Variants in NME6 observed in about 807,000 individuals in gnomAD.
The protein encoded by NME6 is nucleoside diphosphate kinase 6, mitochondrial.
In NME6, 16 loss-of-function variants were observed where a neutral mutation model predicts 22.2. The ratio of observed to expected loss-of-function variants is 0.72; its 90% CI spans 0.49 to 1.09. The LOEUF (loss-of-function observed/expected upper bound fraction) is 1.09, where lower values mean the gene tolerates loss of function less well. NME6 is among the 50% of genes least tolerant of loss of function. The pLI, the probability that NME6 is intolerant of heterozygous loss-of-function variation, is 0.00. For missense variants in NME6, 229 were observed against 239.0 expected, an observed-to-expected ratio of 0.96 and a Z score of 0.28; for synonymous variants, 58 against 85.2, an observed-to-expected ratio of 0.68 and a Z score of 1.76.
chr3:48,296,145 A>C lies in NME6; in HGVS notation c.207T>G (p.Tyr69Ter), dbSNP rs1251323119. ...TGGCCATGAACTCCACCAGCCTCTG[A>C]TAGAAAAAACGCCCTGCAAAGAGAG... ...FYREHEGRFF[Y>*]QRLVEFMASG... The change falls in exon 4 of 6, where the codon TAT becomes TAG. Residue 69 changes from tyrosine to a stop codon, truncating the protein, a stop_gained. Coordinates refer to ENST00000442597, the MANE Select transcript of NME6 (RefSeq NM_001308426.2). LOFTEE classifies it high-confidence loss of function. The C allele has an allele frequency of 1.2e-6, 2 of 1,614,124 alleles. No individual in the cohort carries two copies. The highest frequency in any genetic ancestry group is 1.7e-6 in the Non-Finnish European group (2 of 1,179,940).
At chr3:48,291,423 C>T, downstream of NME6, 1 of 351,884 alleles carries the variant, frequency 2.8e-6, no homozygotes. Context: ...CACTGTCACC[C>T]AGGCTGGAGT....
At chr3:48,296,306 C>T (rs2035095966) in intron 3 of NME6, 148 bp from the exon 4 acceptor site, 1 of 1,082,356 alleles carries the variant, frequency 9.2e-7, no homozygotes, top group Admixed American at 2.1e-5. Context: ...GGGTCTGAAT[C>T]CAGGGTCTGC....
intron 2 of NME6, among the ~76,000 whole-genome samples, chr3:48,297,318 C>T (rs1008927340): frequency 2.0e-5 from 3 of 152,222 alleles, no homozygotes; most frequent in Non-Finnish European, 4.4e-5. Flanking sequence ...AGGCTGCCTG[C>T]GGCCCTCAGA....
rs1453301865 is a variant in NME6, at chr3:48,292,851, T to C, written c.*1786A>G. 6.6e-6 allele frequency: 1 copy of C among 152,232 alleles called. No individual in the cohort carries two copies. Among genetic ancestry groups the C allele is most frequent in the Non-Finnish European group, 1.5e-5 (1 of 68,066 alleles). The allele number at this position is 152,232 out of a possible 1,614,324, so 9.4% of individuals were successfully genotyped here. On this transcript the variant is annotated 3_prime_UTR_variant, in exon 6 of 6. Coordinates refer to ENST00000442597, the MANE Select transcript of NME6 (RefSeq NM_001308426.2). ...AGGTGTGCCACTGTGCCCAGGTATT[T>C]CAAGGATTTTTGTACAGCAAATGGC... is the stretch of plus-strand genomic sequence containing the variant.
downstream of NME6, chr3:48,291,072 C>T: frequency 3.4e-6 from 1 of 291,956 alleles, no homozygotes; most frequent in South Asian, 3.6e-5. Context: ...TCAGCCATTA[C>T]ACAGTTACAC....
intron 3 of NME6, among the ~76,000 whole-genome samples, chr3:48,296,405 T>A (rs1435923704): frequency 3.9e-5 from 6 of 152,146 alleles, no homozygotes; most frequent in African/African-American, 1.4e-4. Context: ...CAACACCTAC[T>A]TTTTAGGGTT....
intron 1 of NME6, chr3:48,300,427 C>T (rs1212700829): frequency 4.5e-6 from 2 of 442,820 alleles, no homozygotes; most frequent in South Asian, 1.6e-5. Context: ...TGCCTCCTGC[C>T]CACCTTAGTG....
Position 48,295,058 on chromosome 3 carries a change from A to G in NME6, c.394+17T>C, listed in dbSNP as rs371644048. On this transcript the variant is annotated intron_variant, in intron 5 of 5. Transcript: ENST00000442597. ...GCTAACCCCAAAATATCCTATGGCT[A>G]TGGACAGGGGACTCACCCGAACCAT... 3.2e-5 allele frequency: 52 copies of G among 1,611,930 alleles called. No homozygotes were observed. Among genetic ancestry groups the G allele is most frequent in the African/African-American group, 5.3e-5 (4 of 74,868 alleles).
intron 1 of NME6, 43 bp downstream of exon 1, chr3:48,301,310 C>T: frequency 6.3e-7 from 1 of 1,594,772 alleles, no homozygotes; most frequent in Non-Finnish European, 8.5e-7. Flanking sequence ...GATTCTGGGT[C>T]ATTCGGAGCC....
chr3:48,299,052 C>G, intron 1 of NME6: 1 of 699,692 alleles, frequency 1.4e-6, no homozygotes, highest in Non-Finnish European at 2.6e-6. Flanking sequence ...CATCTCTATT[C>G]TAATATTATG....
downstream of NME6, chr3:48,291,885 G>C (rs987940586): frequency 3.3e-5 from 5 of 152,408 alleles, no homozygotes; most frequent in Admixed American, 1.3e-4. Context: ...TTCTGCCTCA[G>C]CCTCCCAAGT....
In NME6 at chr3:48,299,055, A is replaced by G; in HGVS notation, c.-7-532T>C. 4.3e-6 allele frequency: 3 copies of G among 699,444 alleles called. No individual in the cohort carries two copies. The South Asian group carries it at 4.5e-5, about 10-fold the overall frequency. The allele number at this position is 699,444 out of a possible 1,614,324, so 43.3% of individuals were successfully genotyped here. ...CTGGATAAACACCATCTCTATTCTA[A>G]TATTATGGAGAGATCAGGATCTCCT... On this transcript the variant is annotated intron_variant, in intron 1 of 5. Coordinates refer to ENST00000442597, the MANE Select transcript of NME6 (RefSeq NM_001308426.2).
chr3:48,291,423 C>A, downstream of NME6: 1 of 351,884 alleles, frequency 2.8e-6, no homozygotes. Flanking sequence ...CACTGTCACC[C>A]AGGCTGGAGT....
intron 4 of NME6, chr3:48,295,634 T>C: frequency 4.2e-6 from 1 of 239,782 alleles, no homozygotes; most frequent in Non-Finnish European, 8.1e-6. Flanking sequence ...CTCTGCTTCC[T>C]GAATTCAAGT....
intron 2 of NME6, among the ~76,000 whole-genome samples, chr3:48,297,043 C>A (rs541587467): frequency 6.6e-6 from 1 of 152,268 alleles, no homozygotes; most frequent in African/African-American, 2.4e-5. Flanking sequence ...CTCTTCCATA[C>A]CTATAACCCC....
In NME6 at chr3:48,298,485, A is replaced by C; in HGVS notation, c.32T>G (p.Leu11Arg). 6.2e-7 allele frequency: 1 copy of C among 1,612,824 alleles called. No homozygotes were observed. The highest frequency in any genetic ancestry group is 8.5e-7 in the Non-Finnish European group (1 of 1,179,424). The change falls in exon 2 of 6, where the codon CTC (leucine) becomes CGC (arginine). Residue 11 changes from leucine (L) to arginine (R), a missense_variant. By Grantham distance (102) the Leu-to-Arg change is moderately radical (BLOSUM62 -2). Transcript: ENST00000442597. MASILRSPQALQLTLALIKPD... is the reference protein window; with the variant it reads MASILRSPQARQLTLALIKPD... ...CTTGATCAGGGCTAGAGTGAGCTGG[A>C]GAGCCTGAGGGCTTCGCAAGATTGA...
At chr3:48,291,213 G>GA, downstream of NME6, 1 of 366,104 alleles carries the variant, frequency 2.7e-6, no homozygotes. Flanking sequence ...TAATATATTG[G>GA]AAAAATAAGC....
chr3:48,298,805 CAA>C (rs2035399522), intron 1 of NME6: 1 of 609,424 alleles, frequency 1.6e-6, no homozygotes, highest in South Asian at 2.0e-5. Context: ...AAAAGAAACT[CAA>C]GTTTAAATAC....
intron 1 of NME6, among the ~76,000 whole-genome samples, chr3:48,299,682 C>G (rs1317694769): frequency 6.6e-6 from 1 of 152,102 alleles, no homozygotes; most frequent in Non-Finnish European, 1.5e-5. Flanking sequence ...AGACAACATT[C>G]TCATTTATCT....
Sources: allele counts gnomAD v4.1 joint callset (sites outside exome capture counted in the v4.1 genomes callset), GRCh38; gene constraint gnomAD v4.1.1; transcripts MANE v1.5; gene names NCBI Gene and HGNC (gene_info 2026-07-23, HGNC 2026-07-21).